The following DNAJC1 variants were observed in gnomAD, a reference collection of about 807,000 sequenced individuals.
DNAJC1 encodes DnaJ heat shock protein family (Hsp40) member C1, also known as dnaJ homolog subfamily C member 1.
A neutral mutation model predicts 76.6 loss-of-function variants in DNAJC1; 58 were observed. The ratio of observed to expected loss-of-function variants is 0.76; its 90% CI spans 0.61 to 0.94. DNAJC1 has a LOEUF of 0.94. Among genes scored for constraint, DNAJC1 ranks in the 40% least tolerant of loss-of-function variants. The pLI is 0.00. For missense variants in DNAJC1, 689 were observed against 677.3 expected (o/e 1.02, Z -0.19); for synonymous variants, 258 against 267.9 (o/e 0.96, Z 0.36).
At chr10:21,883,646 A>G (rs146153667) in intron 7 of DNAJC1, among the ~76,000 whole-genome samples, 110 of 152,306 alleles carry the variant, frequency 7.2e-4, no homozygotes, top group Middle Eastern at 3.4e-3. Context: ...CATTTACATT[A>G]GCTTATAGTT....
At chr10:21,807,478 A>T (rs1834896728) in intron 8 of DNAJC1, among the ~76,000 whole-genome samples, 1 of 152,184 alleles carries the variant, frequency 6.6e-6, no homozygotes, top group Non-Finnish European at 1.5e-5. Context: ...TCCAAATGGC[A>T]GCTTCACTCA....
In DNAJC1 at chr10:21,779,007, C is replaced by T. The variant is rs182115883; in HGVS notation, c.1099-12698G>A. On this transcript the variant is annotated intron_variant, in intron 9 of 11. Coordinates refer to ENST00000376980, the MANE Select transcript of DNAJC1 (RefSeq NM_022365.4). The stretch of plus-strand genomic sequence containing the variant: ...GGAGCCTCGCTCATCGCTAGCACAG[C>T]GGTCTGAGATCGAACTGCAAGATGG... Among the ~76,000 whole-genome samples the T allele has an allele frequency of 2.3e-3, 343 of 152,324 alleles. 3 individuals are homozygous for T. Among genetic ancestry groups the T allele is most frequent in the African/African-American group, 7.8e-3 (324 of 41,574 alleles).
chr10:21,879,214 A>AT (rs1836232998), intron 8 of DNAJC1, among the ~76,000 whole-genome samples: 1 of 152,228 alleles, frequency 6.6e-6, no homozygotes. Context: ...ACTGAGCTGC[A>AT]TATCTATACA....
At chr10:21,921,019 A>C in intron 3 of DNAJC1, 56 bp from the exon 4 acceptor site, 2 of 1,420,124 alleles carry the variant, frequency 1.4e-6, no homozygotes, top group East Asian at 2.4e-5. Context: ...AACAAAAAAA[A>C]CTATTTGTGC....
At chr10:21,785,076 A>G (rs1834587773) in intron 9 of DNAJC1, among the ~76,000 whole-genome samples, 1 of 152,220 alleles carries the variant, frequency 6.6e-6, no homozygotes, top group African/African-American at 2.4e-5. Flanking sequence ...AAAAAAAATC[A>G]GCTTCTTGCT....
intron 8 of DNAJC1, among the ~76,000 whole-genome samples, chr10:21,827,754 A>T (rs759765837): frequency 6.6e-6 from 1 of 152,206 alleles, no homozygotes; most frequent in Non-Finnish European, 1.5e-5. Flanking sequence ...ATAATATCAT[A>T]TTCTGAAGTT....
intron 7 of DNAJC1, among the ~76,000 whole-genome samples, chr10:21,900,558 C>A (rs1172918738): frequency 6.6e-6 from 1 of 152,074 alleles, no homozygotes; most frequent in Non-Finnish European, 1.5e-5. Context: ...AAATTTCACA[C>A]TTCCATTGGT....
At position 21,958,617 on chromosome 10, in the gene DNAJC1, G is replaced by A. The variant is rs1447795333; in HGVS notation, c.223-29476C>T. On this transcript the variant is annotated intron_variant, in intron 1 of 11. Transcript: ENST00000376980. ...AATTTTTCGTATTTTTAGTAGAGAC[G>A]GGGTTTCACCGTGTTAGCCAGGACA... Among the ~76,000 whole-genome samples the A allele has an allele frequency of 2.6e-5, 4 of 151,942 alleles. No individual in the cohort carries two copies. In the South Asian group the frequency reaches 6.2e-4, roughly 24 times the overall value.
intron 8 of DNAJC1, among the ~76,000 whole-genome samples, chr10:21,849,332 A>G (rs2131686593): frequency 6.7e-6 from 1 of 148,866 alleles, no homozygotes; most frequent in African/African-American, 2.5e-5. Flanking sequence ...AAATGCCTAC[A>G]CTGATAAGAA....
intron 1 of DNAJC1, among the ~76,000 whole-genome samples, chr10:21,993,056 T>C (rs76493050): frequency 0.036 from 5,531 of 152,256 alleles, 154 homozygotes; most frequent in African/African-American, 0.073. Flanking sequence ...TAGGAAACAT[T>C]TTGATAAGAA....
At chr10:21,962,703 T>C (rs1224181962) in intron 1 of DNAJC1, among the ~76,000 whole-genome samples, 1 of 150,330 alleles carries the variant, frequency 6.7e-6, no homozygotes, top group Non-Finnish European at 1.5e-5. Context: ...AGGCGGGTCT[T>C]GAACTCCACC....
intron 1 of DNAJC1, among the ~76,000 whole-genome samples, chr10:21,994,019 C>A (rs1770185695): frequency 6.6e-6 from 1 of 152,172 alleles, no homozygotes; most frequent in African/African-American, 2.4e-5. Flanking sequence ...GTGTCAATAT[C>A]ACTCAAAACT....
At chr10:21,832,241 A>T (rs1217751308) in intron 8 of DNAJC1, among the ~76,000 whole-genome samples, 1 of 152,002 alleles carries the variant, frequency 6.6e-6, no homozygotes, top group Non-Finnish European at 1.5e-5. Flanking sequence ...TAATCTTCTC[A>T]TTCTCCTTAC....
At chr10:21,823,461 C>G (rs1302738360) in intron 8 of DNAJC1, among the ~76,000 whole-genome samples, 1 of 152,138 alleles carries the variant, frequency 6.6e-6, no homozygotes, top group Non-Finnish European at 1.5e-5. Flanking sequence ...TTTTTCCTAA[C>G]TTAACATTTA....
rs11427152 is a variant in DNAJC1 at position 21,967,014 on chromosome 10, C to CTT, written c.222+36197_222+36198dup. On this transcript the variant is annotated intron_variant, in intron 1 of 11. Transcript: ENST00000376980. ...TGCCCACCTTTTTCTTCTTCTTCTT[C>CTT]TTTTTTTTTTTTTTTTACAGTATCT... Among the ~76,000 whole-genome samples, 1,016 of 138,744 alleles carry CTT rather than the reference C, an allele frequency of 7.3e-3. 10 individuals are homozygous for CTT. Among genetic ancestry groups the CTT allele is most frequent in the South Asian group, 0.021 (93 of 4,372 alleles). The allele number at this position is 138,744 out of a possible 152,430, so 91.0% of individuals were successfully genotyped here.
Position 21,935,220 on chromosome 10 carries a change from T to C in DNAJC1, c.223-6079A>G, listed in dbSNP as rs116031280. ...AATTATTTTAAATATGCTTAAAGAG[T>C]ATGTTCAAAGAACTAAAGGAAAATA... On this transcript the variant is annotated intron_variant, in intron 1 of 11. Coordinates refer to ENST00000376980, the MANE Select transcript of DNAJC1 (RefSeq NM_022365.4). Among the ~76,000 whole-genome samples the C allele has an allele frequency of 7.4e-3, 1,120 of 152,042 alleles. 13 individuals carry two copies. The highest frequency in any genetic ancestry group is 0.025 in the African/African-American group (1,051 of 41,470).
chr10:21,853,499 T>G (rs556963113), intron 8 of DNAJC1, among the ~76,000 whole-genome samples: 2 of 152,132 alleles, frequency 1.3e-5, no homozygotes, highest in Non-Finnish European at 2.9e-5. Context: ...GGAGCACACT[T>G]TGGCCTCCCT....
chr10:21,803,786 A>G, intron 9 of DNAJC1: 1 of 930,304 alleles, frequency 1.1e-6, no homozygotes, highest in Non-Finnish European at 1.3e-6. Context: ...ATTTTTTTGT[A>G]CAACAAAAGT....
chr10:21,842,305 T>G (rs1275013636), intron 8 of DNAJC1, among the ~76,000 whole-genome samples: 1 of 150,792 alleles, frequency 6.6e-6, no homozygotes, highest in East Asian at 1.9e-4. Flanking sequence ...ACTGACAGGA[T>G]AATAGCGAAG....
Sources: allele counts gnomAD v4.1 joint callset (sites outside exome capture counted in the v4.1 genomes callset), GRCh38; gene constraint gnomAD v4.1.1; transcripts MANE v1.5; gene names NCBI Gene and HGNC (gene_info 2026-07-23, HGNC 2026-07-21).